KCNC1: variants seen among roughly 807,000 people sequenced by gnomAD.
KCNC1 encodes potassium voltage-gated channel subfamily C member 1, also known as voltage-gated potassium channel KCNC1.
Under a neutral mutation model 43.4 loss-of-function variants are expected in KCNC1, and 8 were observed. The observed-to-expected ratio is 0.18, with a 90% CI of 0.11 to 0.33. The LOEUF (loss-of-function observed/expected upper bound fraction) is 0.33. Among genes scored for constraint, KCNC1 ranks in the 10% least tolerant of loss-of-function variants. The probability of loss-of-function intolerance (pLI) is 1.00; values close to 1 mark genes in which losing one functional copy is unlikely to be tolerated. For missense variants in KCNC1, 420 were observed against 836.0 expected (o/e 0.50, Z 6.14); for synonymous variants, 361 against 360.5 (o/e 1.00, Z -0.01).
At chr11:17,772,920 G>A (rs1849247613) in intron 2 of KCNC1, 8 of 1,217,418 alleles carry the variant, frequency 6.6e-6, no homozygotes, top group Non-Finnish European at 6.1e-6. Context: ...CTGCTTGGTG[G>A]GGCAGGAGTC....
At chr11:17,768,615 G>GC (rs1554991041) in intron 1 of KCNC1, among the ~76,000 whole-genome samples, 4 of 119,818 alleles carry the variant, frequency 3.3e-5, no homozygotes, top group South Asian at 2.4e-4. Context: ...ATGTTGGTGG[G>GC]GGGGGGGGCG....
chr11:17,765,607 C>T (rs899978842), intron 1 of KCNC1, among the ~76,000 whole-genome samples: 3 of 152,170 alleles, frequency 2.0e-5, no homozygotes, highest in Admixed American at 6.5e-5. Context: ...GGGTCTCTCA[C>T]GGTTTGTGAT....
In KCNC1 at chr11:17,779,486, C is replaced by T. The variant is rs1339934395; in HGVS notation, c.1535C>T (p.Ala512Val). Residue 512 changes from alanine to valine, a missense_variant, in exon 3 of 4, where the codon GCC (alanine) becomes GTC (valine). By Grantham distance (64) the Ala-to-Val change is moderately conservative (BLOSUM62 0). Transcript: ENST00000265969. The surrounding 1 kb of genome is among the most constrained non-coding windows in gnomAD (Gnocchi z 7.2). ...AAACTGAATGGGGAGGTGGCGAAGG[C>T]CGCGCTGGCGAACGAAGACTGCCCC... Reference protein sequence around the residue: ...DSKLNGEVAKAALANEDCPHI... With the variant: ...DSKLNGEVAKVALANEDCPHI... 1 of 1,550,080 alleles carries T rather than the reference C, an allele frequency of 6.5e-7. No individual in the cohort carries two copies. The highest frequency in any genetic ancestry group is 8.7e-7 in the Non-Finnish European group (1 of 1,146,420).
chr11:17,753,258 C>T (rs1162884995), intron 1 of KCNC1, among the ~76,000 whole-genome samples: 3 of 152,210 alleles, frequency 2.0e-5, no homozygotes, highest in East Asian at 1.9e-4. Flanking sequence ...AGTCAGTGGC[C>T]GGAGCCCAAG....
intron 1 of KCNC1, among the ~76,000 whole-genome samples, chr11:17,749,584 G>A (rs1848942374): frequency 6.6e-6 from 1 of 152,250 alleles, no homozygotes; most frequent in African/African-American, 2.4e-5. Context: ...GCCACTTAGA[G>A]ATGAATGTTT....
intron 1 of KCNC1, among the ~76,000 whole-genome samples, chr11:17,738,027 G>GCGGCT (rs1235016874): frequency 6.6e-6 from 1 of 151,928 alleles, no homozygotes; most frequent in Non-Finnish European, 1.5e-5. Context: ...GCAGGTAGCC[G>GCGGCT]GTCAGTCTTA....
intron 2 of KCNC1, chr11:17,774,642 G>T (rs1052097852): frequency 2.3e-5 from 23 of 985,432 alleles, no homozygotes; most frequent in Non-Finnish European, 2.5e-5. Flanking sequence ...TCTCTCCCCA[G>T]CCCTGCTTTT....
At chr11:17,774,912 C>T (rs1434106783) in intron 2 of KCNC1, 2 of 985,386 alleles carry the variant, frequency 2.0e-6, no homozygotes, top group Non-Finnish European at 2.4e-6. Context: ...ACTTCTCCCT[C>T]CAAAAGCTGG....
At chr11:17,750,121 C>T (rs763588972) in intron 1 of KCNC1, among the ~76,000 whole-genome samples, 2 of 152,174 alleles carry the variant, frequency 1.3e-5, no homozygotes, top group Admixed American at 1.3e-4. Context: ...TCAGTTTCCT[C>T]GTGTGTAAGA....
rs1352245938 is a variant in KCNC1, at chr11:17,739,329, TTGTG to T, written c.570+2764_570+2767del. The stretch of plus-strand genomic sequence containing the variant: ...GAGATTGTGTGTGAGTGTGAGAGAC[TTGTG>T]TGTGTGAGAATAAATGTGAGACTCC... On this transcript the variant is annotated intron_variant, in intron 1 of 3. Coordinates refer to ENST00000265969, the MANE Select transcript of KCNC1 (RefSeq NM_001112741.2). This position sits in a 1 kb window ranked among gnomAD's most constrained non-coding sequence, Gnocchi z 4.2. 2.0e-5 allele frequency among the ~76,000 whole-genome samples: 3 copies of T among 151,210 alleles called. No individual in the cohort carries two copies. The highest frequency in any genetic ancestry group is 4.4e-5 in the Non-Finnish European group (3 of 67,600).
At chr11:17,737,857 A>G (rs1436891356) in intron 1 of KCNC1, among the ~76,000 whole-genome samples, 1 of 152,098 alleles carries the variant, frequency 6.6e-6, no homozygotes, top group African/African-American at 2.4e-5. Context: ...CCAGGGGTAG[A>G]GGGCTAGGGA....
At chr11:17,740,376 C>A (rs1164836438) in intron 1 of KCNC1, among the ~76,000 whole-genome samples, 1 of 152,072 alleles carries the variant, frequency 6.6e-6, no homozygotes, top group Non-Finnish European at 1.5e-5. Flanking sequence ...ATAAGAACTG[C>A]CCCAGAGGAG....
rs570145886 is a variant in KCNC1 at position 17,779,352 on chromosome 11, C to T, written c.1505-104C>T. 1.1e-4 allele frequency: 106 copies of T among 954,764 alleles called. No individual in the cohort carries two copies. In the South Asian group the frequency reaches 1.6e-3, roughly 15 times the overall value. The allele number at this position is 954,764 out of a possible 1,614,324, so 59.1% of individuals were successfully genotyped here. ...CTGCCCGCTTTTCCGTCCTCAGGGA[C>T]GCTCAAGCTGCCCTCTGCCAATACC... On this transcript the variant is annotated intron_variant, in intron 2 of 3. Coordinates refer to ENST00000265969, the MANE Select transcript of KCNC1 (RefSeq NM_001112741.2). The surrounding 1 kb of genome is among the most constrained non-coding windows in gnomAD (Gnocchi z 7.2).
At position 17,735,886 on chromosome 11, in the gene KCNC1, C is replaced by A. The variant is rs894875088; in HGVS notation, c.-117C>A. The A allele has an allele frequency of 8.3e-5, 102 of 1,230,172 alleles. No individual in the cohort carries two copies. Among genetic ancestry groups the A allele is most frequent in the East Asian group, 5.7e-4 (19 of 33,280 alleles). The allele number at this position is 1,230,172 out of a possible 1,614,324, so 76.2% of individuals were successfully genotyped here. ...CCAGAGCCGCAGGCCTCTGTTCCCC[C>A]CGACGGCTGGGGGGAGGGGGGAAGA... On this transcript the variant is annotated 5_prime_UTR_variant, in exon 1 of 4. Transcript: ENST00000265969. The surrounding 1 kb of genome is among the most constrained non-coding windows in gnomAD (Gnocchi z 6.7).
intron 1 of KCNC1, among the ~76,000 whole-genome samples, chr11:17,757,015 C>G (rs1590099698): frequency 8.6e-6 from 1 of 116,584 alleles, no homozygotes; most frequent in Non-Finnish European, 2.1e-5. Flanking sequence ...GTTTTTTAAT[C>G]TGCAAAATGG....
At chr11:17,760,743 T>A (rs1174025089) in intron 1 of KCNC1, among the ~76,000 whole-genome samples, 10 of 152,174 alleles carry the variant, frequency 6.6e-5, no homozygotes, top group Admixed American at 6.5e-4. Flanking sequence ...GGCAATGAAG[T>A]CCGTTGTTCC....
chr11:17,779,571 C>A lies in KCNC1; in HGVS notation c.1620C>A (p.Arg540=). 1.3e-6 allele frequency: 2 copies of A among 1,551,606 alleles called. No homozygotes were observed. ...TGCCCTTTACGCGCTCGGGCACCCG[C>A]GAGAGATACGGACCCTGCTTCCTCT... The part of the protein sequence containing the change: ...EGLPFTRSGT[R]ERYGPCFLLS... The change falls in exon 3 of 4, where the codon CGC becomes CGA. Residue 540 remains arginine (R), a synonymous_variant. Coordinates refer to ENST00000265969, the MANE Select transcript of KCNC1 (RefSeq NM_001112741.2). The surrounding 1 kb of genome is among the most constrained non-coding windows in gnomAD (Gnocchi z 7.2).
rs1848854188 is a variant in KCNC1, at chr11:17,742,475, A to G, written c.570+5903A>G. On this transcript the variant is annotated intron_variant, in intron 1 of 3. Coordinates refer to ENST00000265969, the MANE Select transcript of KCNC1 (RefSeq NM_001112741.2). The surrounding 1 kb of genome is among the most constrained non-coding windows in gnomAD (Gnocchi z 4.2). ...GGGATTCACTCTAGACCAAAAGGTCAGGGCCTTGAGCCACTGCCTCCCATC... is the reference window on the plus strand; with the variant it reads ...GGGATTCACTCTAGACCAAAAGGTCGGGGCCTTGAGCCACTGCCTCCCATC... 6.6e-6 allele frequency among the ~76,000 whole-genome samples: 1 copy of G among 152,240 alleles called. No individual in the cohort carries two copies. Among genetic ancestry groups the G allele is most frequent in the Non-Finnish European group, 1.5e-5 (1 of 68,046 alleles).
At position 17,752,314 on chromosome 11, in the gene KCNC1, C is replaced by G. The variant is rs553166006; in HGVS notation, c.570+15742C>G. On this transcript the variant is annotated intron_variant, in intron 1 of 3. Coordinates refer to ENST00000265969, the MANE Select transcript of KCNC1 (RefSeq NM_001112741.2). ...TTCCCCAGCACCAAGCTGCACCCCC[C>G]ACACATATACACTGGCCCGGCGATC... Among the ~76,000 whole-genome samples, 7 of 152,340 alleles carry G rather than the reference C, an allele frequency of 4.6e-5. No homozygotes were observed. The South Asian group carries it at 1.5e-3, about 32-fold the overall frequency.
Sources: allele counts gnomAD v4.1 joint callset (sites outside exome capture counted in the v4.1 genomes callset), GRCh38; gene constraint gnomAD v4.1.1; non-coding constraint Gnocchi (gnomAD v3.1); transcripts MANE v1.5; gene names NCBI Gene and HGNC (gene_info 2026-07-23, HGNC 2026-07-21).